Variants in WIZ observed in about 807,000 individuals in gnomAD.
The protein encoded by WIZ is WIZ zinc finger, also known as protein Wiz.
A neutral mutation model predicts 140.2 loss-of-function variants in WIZ; 25 were observed. The observed-to-expected ratio is 0.18, with a 90% CI of 0.13 to 0.25. The LOEUF (loss-of-function observed/expected upper bound fraction) is 0.25, where lower values mean the gene tolerates loss of function less well. Among genes scored for constraint, WIZ ranks in the 10% least tolerant of loss-of-function variants. The pLI is 1.00. For missense variants in WIZ, 2,231 were observed against 2,632.6 expected (o/e 0.85, Z 3.34); for synonymous variants, 1,125 against 1,154.3 (o/e 0.97, Z 0.51).
Position 15,424,953 on chromosome 19 carries a change from C to T in WIZ, c.4974G>A (p.Leu1658=). The stretch of plus-strand genomic sequence containing the variant: ...ACCACTCGGTCACGCCGAACTGCCG[C>T]AGGTGTGCCCGTGCGTGGCTGGCCA... The part of the protein sequence containing the change: ...KALASHARAH[L]RQFGVTEWCV... Residue 1658 remains leucine (L), a synonymous_variant, in exon 11 of 13, where the codon CTG becomes CTA. Coordinates refer to ENST00000673675, the MANE Select transcript of WIZ (RefSeq NM_001371589.1). This position sits in a 1 kb window ranked among gnomAD's most constrained non-coding sequence, Gnocchi z 9.7. 6.2e-7 allele frequency: 1 copy of T among 1,608,818 alleles called. No homozygotes were observed. The highest frequency in any genetic ancestry group is 8.5e-7 in the Non-Finnish European group (1 of 1,178,424).
rs770923559 is a variant in WIZ at position 15,440,311 on chromosome 19, G to A, written c.683C>T (p.Thr228Met). 2.2e-5 allele frequency: 33 copies of A among 1,514,426 alleles called. No homozygotes were observed. The highest frequency in any genetic ancestry group is 3.4e-4 in the Middle Eastern group (2 of 5,884). The allele number at this position is 1,514,426 out of a possible 1,614,324, so 93.8% of individuals were successfully genotyped here. A position where few individuals can be genotyped will look rare whatever the true frequency, so the allele number is the denominator to read the frequency against. ...VFVPVEDTPK[T>M]LDMAVVGGRE... The stretch of plus-strand genomic sequence containing the variant: ...GCCACCCACCACCGCCATGTCCAGC[G>A]TCTTCGGGGTGTCTTCCACTGGCAC... Residue 228 changes from threonine to methionine, a missense_variant, in exon 4 of 13, where the codon ACG becomes ATG. Thr to Met is a moderately conservative substitution (Grantham distance 81). Transcript: ENST00000673675. This position sits in a 1 kb window ranked among gnomAD's most constrained non-coding sequence, Gnocchi z 6.2.
chr19:15,423,584 CA>C (rs1294865063), intron 12 of WIZ, among the ~76,000 whole-genome samples: 126 of 152,180 alleles, frequency 8.3e-4, no homozygotes, highest in East Asian at 2.7e-3. Context: ...CCAAGCCCCC[CA>C]CCTCCTCCTG....
At chr19:15,449,550 C>A (rs1395731637) in intron 1 of WIZ, 1 of 152,218 alleles carries the variant, frequency 6.6e-6, no homozygotes, top group Non-Finnish European at 1.5e-5. Context: ...GGGGATGAGC[C>A]CTCCGCCCGT....
chr19:15,440,119 T>C lies in WIZ; in HGVS notation c.875A>G (p.Glu292Gly). ...PPIRTGPYLC[E>G]LLEEVAEGVA... ...CCCTTCGGCCACCTCCTCCAGCAGC[T>C]CACACAGGTAGGGCCCGGTCCGGAT... The change falls in exon 4 of 13, where the codon GAG (glutamate) becomes GGG (glycine). Residue 292 changes from glutamate (E) to glycine (G), a missense_variant. This residue lies in a region of WIZ where 307 missense variants were observed against 294.1 expected (regional missense o/e 1.04). Transcript: ENST00000673675. The surrounding 1 kb of genome is among the most constrained non-coding windows in gnomAD (Gnocchi z 6.2). 1 of 1,534,018 alleles carries C rather than the reference T, an allele frequency of 6.5e-7. No individual in the cohort carries two copies. The highest frequency in any genetic ancestry group is 8.7e-7 in the Non-Finnish European group (1 of 1,145,904).
At chr19:15,426,903 A>C in intron 9 of WIZ, 79 bp downstream of exon 9, 13 of 1,507,342 alleles carry the variant, frequency 8.6e-6, no homozygotes, top group Non-Finnish European at 1.2e-5. Context: ...AACCCTAGGC[A>C]CTCTGGATAC....
chr19:15,427,630 C>G lies in WIZ; in HGVS notation c.3815-97G>C. 7.4e-7 allele frequency: 1 copy of G among 1,359,684 alleles called. No individual in the cohort carries two copies. Among genetic ancestry groups the G allele is most frequent in the Non-Finnish European group, 9.9e-7 (1 of 1,013,004 alleles). The allele number at this position is 1,359,684 out of a possible 1,614,324, so 84.2% of individuals were successfully genotyped here. A position where few individuals can be genotyped will look rare whatever the true frequency, so the allele number is the denominator to read the frequency against. The stretch of plus-strand genomic sequence containing the variant: ...GTCGGCTGGGCGTGGGCGGCAGCAG[C>G]ACGCCCACAGGTTAGGGTGGTGAGG... On this transcript the variant is annotated intron_variant, in intron 8 of 12. Transcript: ENST00000673675. The surrounding 1 kb of genome is among the most constrained non-coding windows in gnomAD (Gnocchi z 6.4).
Position 15,427,071 on chromosome 19 carries a change from T to C in WIZ, c.4277A>G (p.Glu1426Gly). Residue 1426 changes from glutamate to glycine, a missense_variant, in exon 9 of 13, where the codon GAG (glutamate) becomes GGG (glycine). Glu to Gly is a moderately conservative substitution (Grantham distance 98, BLOSUM62 -2). This residue lies in a region of WIZ where 393 missense variants were observed against 451.7 expected (regional missense o/e 0.87). Transcript: ENST00000673675. This position sits in a 1 kb window ranked among gnomAD's most constrained non-coding sequence, Gnocchi z 6.4. ...PEQIRVEIKR[E>G]MLPGALHGEL... ...CCCATGAAGGGCCCCCGGCAGCATC[T>C]CCCGCTTGATCTCCACCCGTATTTG... is the stretch of plus-strand genomic sequence containing the variant. The C allele has an allele frequency of 6.2e-7, 1 of 1,614,168 alleles. No homozygotes were observed. The highest frequency in any genetic ancestry group is 1.1e-5 in the South Asian group (1 of 91,082).
rs1340005041 is a variant in WIZ at position 15,422,277 on chromosome 19, G to C, written c.*799C>G. ...AAAACGCGTTTTTAAAAAAGTGAAA[G>C]GTCTAGGGAGCTATACATAGAAAGC... On this transcript the variant is annotated 3_prime_UTR_variant, in exon 13 of 13. Coordinates refer to ENST00000673675, the MANE Select transcript of WIZ (RefSeq NM_001371589.1). The C allele has an allele frequency of 6.6e-6, 1 of 152,178 alleles. No individual in the cohort carries two copies. The highest frequency in any genetic ancestry group is 1.5e-5 in the Non-Finnish European group (1 of 68,038). The allele number at this position is 152,178 out of a possible 1,614,324, so 9.4% of individuals were successfully genotyped here. A position where few individuals can be genotyped will look rare whatever the true frequency, so the allele number is the denominator to read the frequency against.
Position 15,425,264 on chromosome 19 carries a change from A to G in WIZ, c.4871T>C (p.Leu1624Pro). Residue 1624 changes from leucine (L) to proline (P), a missense_variant, in exon 10 of 13, where the codon CTT (leucine) becomes CCT (proline). Physicochemically the swap from Leu to Pro is moderately conservative, Grantham distance 98 (BLOSUM62 -3). Coordinates refer to ENST00000673675, the MANE Select transcript of WIZ (RefSeq NM_001371589.1). The part of the protein sequence containing the change: ...QTELPFKAKT[L>P]HEKTSHSSTE... Reference sequence around the variant, plus strand: ...ACAGGAGTGGGAGGTCTTCTCATGAAGGGTCTTTGCCTTGAAGGGCAGTTC... The same window carrying G: ...ACAGGAGTGGGAGGTCTTCTCATGAGGGGTCTTTGCCTTGAAGGGCAGTTC... 2 of 1,589,228 alleles carry G rather than the reference A, an allele frequency of 1.3e-6. No individual in the cohort carries two copies. The highest frequency in any genetic ancestry group is 1.7e-6 in the Non-Finnish European group (2 of 1,168,670).
At chr19:15,432,795 T>TCCGCC (rs1458667402) in intron 5 of WIZ, among the ~76,000 whole-genome samples, 1 of 150,926 alleles carries the variant, frequency 6.6e-6, no homozygotes, top group Non-Finnish European at 1.5e-5. Context: ...CCAAACCCGC[T>TCCGCC]CCGCCCCGCC....
At chr19:15,429,032 G>A (rs1449587983) in intron 7 of WIZ, among the ~76,000 whole-genome samples, 9 of 152,196 alleles carry the variant, frequency 5.9e-5, no homozygotes, top group Admixed American at 4.6e-4. Context: ...TGTTAAACCT[G>A]CTCACTGCAC....
At chr19:15,438,334 A>T (rs1259748922) in intron 4 of WIZ, among the ~76,000 whole-genome samples, 1 of 152,172 alleles carries the variant, frequency 6.6e-6, no homozygotes, top group Non-Finnish European at 1.5e-5. Flanking sequence ...TGGAGGAATG[A>T]ATGAAATTCT....
chr19:15,431,038 C>T lies in WIZ; in HGVS notation c.2885G>A (p.Ser962Asn), dbSNP rs1164968641. Residue 962 changes from serine (S) to asparagine (N), a missense_variant, in exon 6 of 13, where the codon AGC becomes AAC. Coordinates refer to ENST00000673675, the MANE Select transcript of WIZ (RefSeq NM_001371589.1). ...CTTGAGGTCCTGCAGCTCCTGTTTGCTGCCATGAGGAACCTCTGCAGCCAC... is the reference window on the plus strand; with the variant it reads ...CTTGAGGTCCTGCAGCTCCTGTTTGTTGCCATGAGGAACCTCTGCAGCCAC... ...SKVAAEVPHGSKQELQDLKAQ... is the reference protein window; with the variant it reads ...SKVAAEVPHGNKQELQDLKAQ... 2 of 1,535,388 alleles carry T rather than the reference C, an allele frequency of 1.3e-6. No individual in the cohort carries two copies. The highest frequency in any genetic ancestry group is 1.7e-4 in the Middle Eastern group (1 of 5,934).
chr19:15,444,553 G>T (rs1568315068), intron 2 of WIZ, among the ~76,000 whole-genome samples: 1 of 152,150 alleles, frequency 6.6e-6, no homozygotes, highest in Non-Finnish European at 1.5e-5. Flanking sequence ...CATTACCAAA[G>T]TGTCCCCTGG....
chr19:15,436,641 A>G, intron 5 of WIZ, 165 bp downstream of exon 5: 1 of 659,686 alleles, frequency 1.5e-6, no homozygotes, highest in Non-Finnish European at 2.3e-6. Context: ...CAGAAAGGAC[A>G]CCTAAATAGC....
intron 5 of WIZ, chr19:15,432,514 G>A (rs1599681598): frequency 1.0e-6 from 1 of 967,578 alleles, no homozygotes; most frequent in Non-Finnish European, 1.2e-6. Context: ...TGGCGGTGGC[G>A]GTGGTGGTGG....
rs575637246 is a variant in WIZ, at chr19:15,436,958, G to A, written c.2588C>T (p.Ala863Val). 57 of 1,613,732 alleles carry A rather than the reference G, an allele frequency of 3.5e-5. 1 individual carries two copies. In the South Asian group the frequency reaches 6.3e-4, roughly 18 times the overall value. ...GGGGGGCTGCTCAGCAGCAGAGGTGGCCAGCAGCTCCTGCAGGATGTTGAT... is the reference window on the plus strand; with the variant it reads ...GGGGGGCTGCTCAGCAGCAGAGGTGACCAGCAGCTCCTGCAGGATGTTGAT... ...SPINILQELL[A>V]TSAAEQPPSP... The change falls in exon 5 of 13, where the codon GCC (alanine) becomes GTC (valine). Residue 863 changes from alanine to valine, a missense_variant. Coordinates refer to ENST00000673675, the MANE Select transcript of WIZ (RefSeq NM_001371589.1).
chr19:15,440,748 C>T lies in WIZ; in HGVS notation c.279-33G>A, dbSNP rs1969713267. On this transcript the variant is annotated intron_variant, in intron 3 of 12. Coordinates refer to ENST00000673675, the MANE Select transcript of WIZ (RefSeq NM_001371589.1). This position sits in a 1 kb window ranked among gnomAD's most constrained non-coding sequence, Gnocchi z 6.2. ...GAAGTGCCAATGGGGACAGGTTAGC[C>T]ATGGGCTGCAGTTTTCCTTCCTAGG... 4 of 1,450,176 alleles carry T rather than the reference C, an allele frequency of 2.8e-6. No homozygotes were observed. The highest frequency in any genetic ancestry group is 2.6e-5 in the Admixed American group (1 of 38,890). The allele number at this position is 1,450,176 out of a possible 1,614,324, so 89.8% of individuals were successfully genotyped here. A position where few individuals can be genotyped will look rare whatever the true frequency, so the allele number is the denominator to read the frequency against.
chr19:15,423,249 CAG>C lies in WIZ; in HGVS notation c.5511-16_5511-15del, dbSNP rs1968488873. ...ACCTCACAGAACCTGCATGGGGGAACAGAGAGAGGGAGTGGCCAGTGCTGTGA... is the reference window on the plus strand; with the variant it reads ...ACCTCACAGAACCTGCATGGGGGAACAGAGAGGGAGTGGCCAGTGCTGTGA... On this transcript the variant is annotated splice_polypyrimidine_tract_variant and intron_variant, in intron 12 of 12. Coordinates refer to ENST00000673675, the MANE Select transcript of WIZ (RefSeq NM_001371589.1). The C allele has an allele frequency of 1.9e-6, 3 of 1,612,376 alleles. No individual in the cohort carries two copies. The highest frequency in any genetic ancestry group is 1.3e-5 in the African/African-American group (1 of 75,018).
Sources: gnomAD v4.1 joint callset for allele counts (sites outside exome capture counted in the v4.1 genomes callset) on GRCh38, gnomAD v4.1.1 for gene constraint, gnomAD v4.1.1 regional missense constraint, Gnocchi (gnomAD v3.1) non-coding constraint, MANE v1.5 for transcripts, NCBI Gene and HGNC (gene_info 2026-07-23, HGNC 2026-07-21) for gene names.